AMOTL1: variants seen among roughly 807,000 people sequenced by gnomAD.
AMOTL1 encodes angiomotin-like protein 1.
AMOTL1 carries 45 observed loss-of-function variants against 102.9 expected under a neutral mutation model. The ratio of observed to expected loss-of-function variants is 0.44; its 90% CI spans 0.34 to 0.56. The LOEUF (loss-of-function observed/expected upper bound fraction) is 0.56, where lower values mean the gene tolerates loss of function less well. Ranked by LOEUF, AMOTL1 falls within the 20% of genes least tolerant of loss-of-function variation. The pLI is 0.01. For missense variants in AMOTL1, 1,114 were observed against 1,225.6 expected, an observed-to-expected ratio of 0.91 and a Z score of 1.36; for synonymous variants, 481 against 484.7, an observed-to-expected ratio of 0.99 and a Z score of 0.10.
intron 3 of AMOTL1, among the ~76,000 whole-genome samples, chr11:94,808,965 C>CTTTTTTTTT (rs199619372): frequency 2.2e-3 from 245 of 111,888 alleles, no homozygotes; most frequent in Non-Finnish European, 3.4e-3. Context: ...TTCTTTCTTT[C>CTTTTTTTTT]TTTTTTTTTT....
rs1488735913 is a variant in AMOTL1 at position 94,875,215 on chromosome 11, T to G, written c.*4420T>G. On this transcript the variant is annotated 3_prime_UTR_variant, in exon 13 of 13. Transcript: ENST00000433060. The stretch of plus-strand genomic sequence containing the variant: ...CTCTGACGTGTGGCTCCATGGGAGA[T>G]AGGCAAAGTAATTAAGAAGTTACCA... 6.6e-6 allele frequency: 1 copy of G among 152,238 alleles called. No individual in the cohort carries two copies. The highest frequency in any genetic ancestry group is 1.9e-4 in the East Asian group (1 of 5,196). The allele number at this position is 152,238 out of a possible 1,614,324, so 9.4% of individuals were successfully genotyped here.
chr11:94,749,738 A>G (rs2135488105), intron 3 of AMOTL1, among the ~76,000 whole-genome samples: 1 of 152,342 alleles, frequency 6.6e-6, no homozygotes, highest in South Asian at 2.1e-4. Flanking sequence ...ACCGCAGCCC[A>G]TGGTGGTGAG....
intron 1 of AMOTL1, among the ~76,000 whole-genome samples, chr11:94,785,180 C>T (rs1300932300): frequency 1.3e-4 from 20 of 152,138 alleles, no homozygotes; most frequent in Admixed American, 1.3e-3. Context: ...CAGGACCTTT[C>T]CCCTTTATCC....
At chr11:94,815,360 A>T (rs1565364540) in intron 3 of AMOTL1, among the ~76,000 whole-genome samples, 3 of 152,264 alleles carry the variant, frequency 2.0e-5, no homozygotes, top group African/African-American at 7.2e-5. Context: ...ACAAAAAAAA[A>T]ATTTGTCTAA....
At chr11:94,768,586 G>T (rs753001354) in intron 1 of AMOTL1, 26 bp downstream of exon 1, 2 of 1,579,638 alleles carry the variant, frequency 1.3e-6, no homozygotes, top group Non-Finnish European at 1.7e-6. Context: ...TCGAGGTGCC[G>T]GGAGGGCGTC....
intron 11 of AMOTL1, among the ~76,000 whole-genome samples, chr11:94,868,118 C>T (rs1347590707): frequency 6.6e-6 from 1 of 152,226 alleles, no homozygotes; most frequent in Non-Finnish European, 1.5e-5. Context: ...CCTGCTGGAT[C>T]AGGTCTTCCT....
intron 1 of AMOTL1, among the ~76,000 whole-genome samples, chr11:94,783,569 CAAG>C (rs1389780701): frequency 2.0e-5 from 3 of 152,084 alleles, no homozygotes; most frequent in Admixed American, 6.5e-5. Flanking sequence ...TGAGCCAAAA[CAAG>C]AAGGTCAGAG....
intron 1 of AMOTL1, among the ~76,000 whole-genome samples, chr11:94,720,326 C>T (rs556762248): frequency 1.3e-5 from 2 of 152,050 alleles, no homozygotes; most frequent in Non-Finnish European, 2.9e-5. Context: ...GTACAGGAAT[C>T]GCATGGAAAA....
intron 1 of AMOTL1, among the ~76,000 whole-genome samples, chr11:94,728,528 C>T (rs1591901089): frequency 6.6e-6 from 1 of 152,118 alleles, no homozygotes. Context: ...ATGAAAACTG[C>T]TTCTAACTTA....
intron 10 of AMOTL1, among the ~76,000 whole-genome samples, chr11:94,865,062 G>A (rs1357030586): frequency 2.0e-5 from 3 of 152,154 alleles, no homozygotes; most frequent in Admixed American, 6.5e-5. Flanking sequence ...ATCTGGTGCC[G>A]GAGTTCTCTG....
intron 3 of AMOTL1, among the ~76,000 whole-genome samples, chr11:94,747,782 C>T (rs1950607057): frequency 1.3e-5 from 2 of 152,212 alleles, no homozygotes; most frequent in Non-Finnish European, 2.9e-5. Flanking sequence ...GCTTTACCAT[C>T]TTCTAGGGGC....
At chr11:94,869,127 A>T in intron 11 of AMOTL1, 71 bp from the exon 12 acceptor site, 1 of 1,444,702 alleles carries the variant, frequency 6.9e-7, no homozygotes, top group Non-Finnish European at 9.2e-7. Flanking sequence ...CAAGGAACAG[A>T]TCTGCAAGAC....
At chr11:94,783,748 T>C (rs1264612313) in intron 1 of AMOTL1, among the ~76,000 whole-genome samples, 4 of 152,232 alleles carry the variant, frequency 2.6e-5, no homozygotes, top group African/African-American at 9.6e-5. Context: ...TCTCTCTTGA[T>C]AGACTTTCAG....
At chr11:94,714,124 G>A (rs755284268) in intron 1 of AMOTL1, among the ~76,000 whole-genome samples, 5 of 151,906 alleles carry the variant, frequency 3.3e-5, no homozygotes, top group Non-Finnish European at 5.9e-5. Context: ...CATGCTTTTC[G>A]TGCAATGATC....
chr11:94,732,351 G>A (rs143413955), intron 2 of AMOTL1, among the ~76,000 whole-genome samples: 181 of 152,248 alleles, frequency 1.2e-3, no homozygotes, highest in Non-Finnish European at 2.4e-3. Flanking sequence ...CTGCAATTGG[G>A]TAGGAGAGCT....
rs112559276 is a variant in AMOTL1 at position 94,741,231 on chromosome 11, CGTGT to C, written c.136+255_136+258del. On this transcript the variant is annotated intron_variant, in intron 3 of 4. Coordinates refer to the AMOTL1 transcript ENST00000299004. ...GTGTGTGTGTGTGTGCGTGCGTGTG[CGTGT>C]GTGTGTGTGTGAGTGCGTGTGTGTG... Among the ~76,000 whole-genome samples, 1,193 of 149,434 alleles carry C rather than the reference CGTGT, an allele frequency of 8.0e-3. 16 individuals carry two copies. The highest frequency in any genetic ancestry group is 0.027 in the African/African-American group (1,106 of 40,926).
At chr11:94,750,028 G>A (rs1163133909) in intron 3 of AMOTL1, among the ~76,000 whole-genome samples, 1 of 152,186 alleles carries the variant, frequency 6.6e-6, no homozygotes, top group East Asian at 1.9e-4. Flanking sequence ...CACCTACTGT[G>A]TCAGGCACTT....
intron 1 of AMOTL1, among the ~76,000 whole-genome samples, chr11:94,713,588 G>A (rs1276269142): frequency 6.6e-6 from 1 of 151,744 alleles, no homozygotes; most frequent in Non-Finnish European, 1.5e-5. Flanking sequence ...TACAGATTCT[G>A]TAGGTATTTT....
chr11:94,818,982 G>C lies in AMOTL1; in HGVS notation c.1122-2548G>C, dbSNP rs149435537. Reference sequence around the variant, plus strand: ...TGGCCTATATCAATTTTCCGGGATTGTTCTTCATCTTTTTTGTTTGTTTTT... The same window carrying C: ...TGGCCTATATCAATTTTCCGGGATTCTTCTTCATCTTTTTTGTTTGTTTTT... On this transcript the variant is annotated intron_variant, in intron 3 of 12. Coordinates refer to ENST00000433060, the MANE Select transcript of AMOTL1 (RefSeq NM_130847.3). Among the ~76,000 whole-genome samples, 1,301 of 146,970 alleles carry C rather than the reference G, an allele frequency of 8.9e-3. 21 individuals carry two copies. The highest frequency in any genetic ancestry group is 0.031 in the African/African-American group (1,241 of 40,482).
Sources: allele counts gnomAD v4.1 joint callset (sites outside exome capture counted in the v4.1 genomes callset), GRCh38; gene constraint gnomAD v4.1.1; transcripts MANE v1.5; gene names NCBI Gene and HGNC (gene_info 2026-07-23, HGNC 2026-07-21).